Variants in GSTCD observed in about 807,000 individuals in gnomAD.
The protein encoded by GSTCD is glutathione S-transferase C-terminal domain-containing protein.
Under a neutral mutation model 68.3 loss-of-function variants are expected in GSTCD, and 44 were observed. The observed-to-expected ratio is 0.64, with a 90% CI of 0.51 to 0.83. The LOEUF (loss-of-function observed/expected upper bound fraction) is 0.83. Among genes scored for constraint, GSTCD ranks in the 40% least tolerant of loss-of-function variants. The pLI, the probability that GSTCD is intolerant of heterozygous loss-of-function variation, is 0.00. For synonymous variants in GSTCD, 273 were observed against 255.2 expected (o/e 1.07, Z -0.67); for missense variants, 739 against 735.9 (o/e 1.00, Z -0.05).
intron 5 of GSTCD, among the ~76,000 whole-genome samples, chr4:105,817,308 T>C (rs1322039576): frequency 3.9e-5 from 6 of 151,926 alleles, no homozygotes; most frequent in Admixed American, 2.6e-4. Context: ...TTCCTCAATT[T>C]GGAAGTATAA....
intron 5 of GSTCD, among the ~76,000 whole-genome samples, chr4:105,759,093 G>A (rs555669643): frequency 5.9e-5 from 9 of 152,162 alleles, no homozygotes; most frequent in Admixed American, 2.0e-4. Flanking sequence ...ACATTTCACA[G>A]GTTTTGTGTT....
intron 5 of GSTCD, among the ~76,000 whole-genome samples, chr4:105,756,522 ACACACG>A (rs1194222781): frequency 1.3e-5 from 2 of 149,468 alleles, no homozygotes; most frequent in African/African-American, 5.0e-5. Flanking sequence ...ACACACACAC[ACACACG>A]TATATACATA....
At chr4:105,735,632 C>T (rs902403870) in intron 5 of GSTCD, among the ~76,000 whole-genome samples, 9 of 152,062 alleles carry the variant, frequency 5.9e-5, no homozygotes, top group Non-Finnish European at 1.0e-4. Context: ...CTGGGTGAGG[C>T]GATGCCTCAC....
chr4:105,720,173 C>G (rs1560793312), intron 3 of GSTCD, among the ~76,000 whole-genome samples: 1 of 151,988 alleles, frequency 6.6e-6, no homozygotes, highest in Non-Finnish European at 1.5e-5. Flanking sequence ...CTCTGTCTGT[C>G]TTACATACAC....
At chr4:105,711,354 A>C (rs1003268456) in intron 1 of GSTCD, among the ~76,000 whole-genome samples, 1 of 152,250 alleles carries the variant, frequency 6.6e-6, no homozygotes, top group African/African-American at 2.4e-5. Context: ...TTTCACGTTT[A>C]TATTTTACCA....
At chr4:105,753,563 T>C (rs945981238) in intron 5 of GSTCD, among the ~76,000 whole-genome samples, 5 of 152,160 alleles carry the variant, frequency 3.3e-5, no homozygotes, top group Non-Finnish European at 5.9e-5. Context: ...TTACATAGCA[T>C]TTACATTGTA....
chr4:105,843,907 T>A (rs1030550754), intron 11 of GSTCD, among the ~76,000 whole-genome samples: 1 of 27,046 alleles, frequency 3.7e-5, no homozygotes, highest in Admixed American at 4.3e-4. Context: ...GTGGTGGGGG[T>A]GGGGGTGGGC....
intron 8 of GSTCD, among the ~76,000 whole-genome samples, chr4:105,833,363 T>C (rs1723978823): frequency 6.6e-6 from 1 of 151,870 alleles, no homozygotes. Context: ...CTCGGGAGGC[T>C]GAGGCAGAAG....
At chr4:105,779,329 C>T (rs1407718789) in intron 5 of GSTCD, among the ~76,000 whole-genome samples, 1 of 152,098 alleles carries the variant, frequency 6.6e-6, no homozygotes, top group Non-Finnish European at 1.5e-5. Flanking sequence ...TCAGGTGGTG[C>T]ACTTGGAGCA....
chr4:105,730,243 T>C (rs1024895745), intron 5 of GSTCD, among the ~76,000 whole-genome samples: 2 of 152,218 alleles, frequency 1.3e-5, no homozygotes, highest in Non-Finnish European at 2.9e-5. Context: ...TTTATAATCC[T>C]TTGGGTATAT....
At chr4:105,712,221 C>G (rs1485773027) in intron 1 of GSTCD, among the ~76,000 whole-genome samples, 1 of 152,100 alleles carries the variant, frequency 6.6e-6, no homozygotes, top group Non-Finnish European at 1.5e-5. Flanking sequence ...AGGTAAGAGG[C>G]TAGGGTGTGC....
rs78025214 is a variant in GSTCD at position 105,742,285 on chromosome 4, A to C, written c.1240+12786A>C. 4.1e-3 allele frequency among the ~76,000 whole-genome samples: 625 copies of C among 152,206 alleles called. 3 individuals are homozygous for C. Among genetic ancestry groups the C allele is most frequent in the African/African-American group, 0.014 (593 of 41,512 alleles). ...TTGAACTTTTTACTGTTTTTCTTTT[A>C]TACAACCTATATTTACTATTTACAT... On this transcript the variant is annotated intron_variant, in intron 5 of 11. Transcript: ENST00000515279.
At chr4:105,780,852 C>T (rs961716327) in intron 5 of GSTCD, among the ~76,000 whole-genome samples, 1 of 152,022 alleles carries the variant, frequency 6.6e-6, no homozygotes, top group Non-Finnish European at 1.5e-5. Flanking sequence ...GAATTATTTT[C>T]CTCCTGCTTT....
chr4:105,825,712 C>T lies in GSTCD; in HGVS notation c.1442C>T (p.Ala481Val). Residue 481 changes from alanine (A) to valine (V), a missense_variant, in exon 8 of 12, where the codon GCT becomes GTT. Ala to Val is a moderately conservative substitution (Grantham distance 64, BLOSUM62 0). Coordinates refer to ENST00000515279, the MANE Select transcript of GSTCD (RefSeq NM_001370181.1). ...IENKELSLIR[A>V]KKRSDELGLS... ...AACAAGGAATTATCATTAATTCGTG[C>T]TAAGAAGAGAAGTGATGAACTGGGT... 6.6e-7 allele frequency: 1 copy of T among 1,521,350 alleles called. No homozygotes were observed. The highest frequency in any genetic ancestry group is 1.1e-5 in the South Asian group (1 of 87,956). 94.2% of individuals were successfully genotyped at this position (1,521,350 alleles called of 1,614,324 possible).
rs1213505441 is a variant in GSTCD, at chr4:105,729,426, G to GT, written c.1171dup (p.Ser391PhefsTer11). ...TCTAGGAAAAGGGCATTGAAGTGATGTTTTCTCCCCACCCTTGCCCTACTT... is the reference window on the plus strand; with the variant it reads ...TCTAGGAAAAGGGCATTGAAGTGATGTTTTTCTCCCCACCCTTGCCCTACTT... On this transcript the variant is annotated frameshift_variant, in exon 5 of 12. Coordinates refer to ENST00000515279, the MANE Select transcript of GSTCD (RefSeq NM_001370181.1). LOFTEE classifies it high-confidence loss of function. The GT allele has an allele frequency of 9.9e-6, 16 of 1,609,538 alleles. No homozygotes were observed. The highest frequency in any genetic ancestry group is 1.4e-5 in the Non-Finnish European group (16 of 1,177,194).
intron 5 of GSTCD, among the ~76,000 whole-genome samples, chr4:105,766,459 C>T (rs1191335581): frequency 1.3e-5 from 2 of 152,176 alleles, no homozygotes; most frequent in Admixed American, 1.3e-4. Flanking sequence ...TAGTTCCCCG[C>T]TATATAGAAT....
chr4:105,821,187 A>T (rs545500522), intron 5 of GSTCD: 1 of 151,884 alleles, frequency 6.6e-6, no homozygotes, highest in Non-Finnish European at 1.5e-5. Flanking sequence ...TTCTACTGCA[A>T]ATTAAAACTG....
intron 5 of GSTCD, among the ~76,000 whole-genome samples, chr4:105,814,612 AAAAT>A (rs1722896998): frequency 1.3e-5 from 2 of 152,156 alleles, no homozygotes; most frequent in African/African-American, 2.4e-5. Context: ...TGTCTCAAAA[AAAAT>A]AAATAAATAA....
intron 5 of GSTCD, among the ~76,000 whole-genome samples, chr4:105,813,915 C>A (rs551878833): frequency 6.6e-6 from 1 of 152,214 alleles, no homozygotes; most frequent in South Asian, 2.1e-4. Context: ...TATAAAACTC[C>A]CATCACTGGA....
Sources: gnomAD v4.1 joint callset for allele counts (sites outside exome capture counted in the v4.1 genomes callset) on GRCh38, gnomAD v4.1.1 for gene constraint, MANE v1.5 for transcripts, NCBI Gene and HGNC (gene_info 2026-07-23, HGNC 2026-07-21) for gene names.